The following EYA1 variants were observed in gnomAD, a reference collection of about 807,000 sequenced individuals.
The protein encoded by EYA1 is protein phosphatase EYA1.
In EYA1, 16 loss-of-function variants were observed where a neutral mutation model predicts 82.0. The ratio of observed to expected loss-of-function variants is 0.20; its 90% CI spans 0.13 to 0.30. The LOEUF (loss-of-function observed/expected upper bound fraction) is 0.30. Ranked by LOEUF, EYA1 falls within the 10% of genes least tolerant of loss-of-function variation. The probability of loss-of-function intolerance (pLI) is 1.00; values close to 1 mark genes in which losing one functional copy is unlikely to be tolerated. For missense variants in EYA1, 633 were observed against 730.7 expected (o/e 0.87, Z 1.54); for synonymous variants, 261 against 264.4 (o/e 0.99, Z 0.12).
intron 2 of EYA1, chr8:71,470,945 A>T (rs1809153866): frequency 2.3e-6 from 1 of 442,370 alleles, no homozygotes; most frequent in Non-Finnish European, 4.5e-6. Context: ...TAAAAAAAAA[A>T]GGAAAAAGGG....
Position 71,216,970 on chromosome 8 carries a change from G to A in EYA1, c.1194C>T (p.Asp398=), listed in dbSNP as rs774136047. ...DDVSSDDNGQ[D]LSTYNFGTDG... ...TCACATTCAAGGGTGCTCACCTTAG[G>A]TCCTGTCCGTTATCATCTGAAGAAA... is the stretch of plus-strand genomic sequence containing the variant. The change falls in exon 13 of 18, where the codon GAC becomes GAT. Residue 398 remains aspartate (D), a synonymous_variant. Transcript: ENST00000340726. 1 of 1,613,460 alleles carries A rather than the reference G, an allele frequency of 6.2e-7. No homozygotes were observed. Among genetic ancestry groups the A allele is most frequent in the Admixed American group, 1.7e-5 (1 of 60,008 alleles).
intron 2 of EYA1, among the ~76,000 whole-genome samples, chr8:71,390,271 CT>C (rs577622634): frequency 5.5e-3 from 758 of 136,738 alleles, no homozygotes; most frequent in Middle Eastern, 0.019. Context: ...TTGGATAATT[CT>C]TTTTTTTTTT....
rs182544171 is a variant in EYA1, at chr8:71,293,747, T to C, written c.826+5300A>G. Among the ~76,000 whole-genome samples, 111 of 151,186 alleles carry C rather than the reference T, an allele frequency of 7.3e-4. No homozygotes were observed. In the Middle Eastern group the frequency reaches 0.01, roughly 14 times the overall value. On this transcript the variant is annotated intron_variant, in intron 9 of 17. Transcript: ENST00000340726. ...GACAAAGTCCAATACCCATTCATAA[T>C]AAAAAAACTCAGTAATCTAGGAAAG...
chr8:71,410,519 A>C (rs1310235964), intron 2 of EYA1, among the ~76,000 whole-genome samples: 71 of 114,368 alleles, frequency 6.2e-4, no homozygotes, highest in African/African-American at 2.1e-3. Flanking sequence ...CTGATAAGCA[A>C]CTTCAGCAAA....
chr8:71,333,405 A>T (rs1166927367), intron 4 of EYA1, among the ~76,000 whole-genome samples: 2 of 136,986 alleles, frequency 1.5e-5, no homozygotes, highest in Admixed American at 7.1e-5. Context: ...AGGCAATATT[A>T]AAAAAAAGTC....
chr8:71,529,290 T>G (rs1814070580), intron 2 of EYA1: 1 of 152,158 alleles, frequency 6.6e-6, no homozygotes, highest in Admixed American at 6.5e-5. Flanking sequence ...TACTGCTTCA[T>G]GCCAAAAATG....
intron 7 of EYA1, among the ~76,000 whole-genome samples, chr8:71,311,870 G>A (rs925367687): frequency 9.2e-5 from 14 of 152,176 alleles, no homozygotes; most frequent in African/African-American, 2.7e-4. Context: ...CATGCACGAC[G>A]AAAATCTGAT....
intron 2 of EYA1, among the ~76,000 whole-genome samples, chr8:71,431,316 T>A (rs1805602217): frequency 6.6e-6 from 1 of 152,136 alleles, no homozygotes; most frequent in Non-Finnish European, 1.5e-5. Context: ...AAAAATCACA[T>A]CAACTCACTC....
At chr8:71,429,377 AT>A (rs201304836) in intron 2 of EYA1, among the ~76,000 whole-genome samples, 185 of 152,326 alleles carry the variant, frequency 1.2e-3, no homozygotes, top group African/African-American at 4.0e-3. Context: ...TTCAAAAAAT[AT>A]ATTTTTAAGA....
At chr8:71,296,592 T>C (rs1384525055) in intron 9 of EYA1, among the ~76,000 whole-genome samples, 1 of 149,312 alleles carries the variant, frequency 6.7e-6, no homozygotes, top group South Asian at 2.1e-4. Flanking sequence ...TCCAGTATTA[T>C]AAAATACTAA....
At chr8:71,464,773 T>C (rs1372082296) in intron 2 of EYA1, among the ~76,000 whole-genome samples, 2 of 152,190 alleles carry the variant, frequency 1.3e-5, no homozygotes, top group Non-Finnish European at 2.9e-5. Flanking sequence ...AATTCAATAA[T>C]AATATGCATT....
rs372943463 is a variant in EYA1 at position 71,199,938 on chromosome 8, G to A, written c.1699-518C>T. On this transcript the variant is annotated intron_variant, in intron 17 of 17. Coordinates refer to ENST00000340726, the MANE Select transcript of EYA1 (RefSeq NM_000503.6). Reference sequence around the variant, plus strand: ...AAAATGGCTTTACCATATGGAAAACGTTTTAAATGAACATCTAACGTTGTT... The same window carrying A: ...AAAATGGCTTTACCATATGGAAAACATTTTAAATGAACATCTAACGTTGTT... 164 of 156,892 alleles carry A rather than the reference G, an allele frequency of 1.0e-3. 1 individual carries two copies. In the South Asian group the frequency reaches 0.014, roughly 14 times the overall value. The allele number at this position is 156,892 out of a possible 1,614,324, so 9.7% of individuals were successfully genotyped here. A position where few individuals can be genotyped will look rare whatever the true frequency, so the allele number is the denominator to read the frequency against.
At chr8:71,525,974 T>A (rs757185570) in intron 2 of EYA1, among the ~76,000 whole-genome samples, 1 of 152,208 alleles carries the variant, frequency 6.6e-6, no homozygotes, top group Non-Finnish European at 1.5e-5. Context: ...TTTTGCATAT[T>A]CTCTACCCTC....
Position 71,504,427 on chromosome 8 carries a change from A to T in EYA1, c.33+31317T>A, listed in dbSNP as rs1175520629. Among the ~76,000 whole-genome samples, 12 of 152,316 alleles carry T rather than the reference A, an allele frequency of 7.9e-5. No individual in the cohort carries two copies. In the East Asian group the frequency reaches 2.3e-3, roughly 29 times the overall value. On this transcript the variant is annotated intron_variant, in intron 2 of 18. Coordinates refer to the EYA1 transcript ENST00000643681. Reference sequence around the variant, plus strand: ...ATCAAATTTCTTTATAAATCACCTAATCCATGATCCATTACTCTCCTGTTG... The same window carrying T: ...ATCAAATTTCTTTATAAATCACCTATTCCATGATCCATTACTCTCCTGTTG...
At chr8:71,221,701 A>G (rs907348268) in intron 12 of EYA1, among the ~76,000 whole-genome samples, 1 of 152,164 alleles carries the variant, frequency 6.6e-6, no homozygotes, top group African/African-American at 2.4e-5. Flanking sequence ...TCTAAAAGTG[A>G]TAAATTGGCA....
chr8:71,477,983 G>A (rs1809803592), intron 2 of EYA1, among the ~76,000 whole-genome samples: 1 of 152,106 alleles, frequency 6.6e-6, no homozygotes, highest in Admixed American at 6.6e-5. Context: ...AGACACAAAG[G>A]CCATAGATAC....
At chr8:71,395,784 A>G (rs1288860188) in intron 2 of EYA1, among the ~76,000 whole-genome samples, 2 of 152,102 alleles carry the variant, frequency 1.3e-5, no homozygotes, top group African/African-American at 2.4e-5. Context: ...AGGGTTTGGT[A>G]TCAGGATGAT....
intron 2 of EYA1, among the ~76,000 whole-genome samples, chr8:71,380,268 G>C (rs996943268): frequency 1.3e-5 from 2 of 152,192 alleles, no homozygotes; most frequent in Non-Finnish European, 2.9e-5. Context: ...CTGACTTGTG[G>C]ATTGGCTTGA....
intron 2 of EYA1, among the ~76,000 whole-genome samples, chr8:71,428,087 T>C (rs1279876363): frequency 2.0e-5 from 3 of 152,070 alleles, no homozygotes; most frequent in South Asian, 2.1e-4. Flanking sequence ...CATGTTTCCA[T>C]TGAATGGTTA....
Sources: gnomAD v4.1 joint callset for allele counts (sites outside exome capture counted in the v4.1 genomes callset) on GRCh38, gnomAD v4.1.1 for gene constraint, MANE v1.5 for transcripts, NCBI Gene and HGNC (gene_info 2026-07-23, HGNC 2026-07-21) for gene names.